CFAP100: variants seen among roughly 807,000 people sequenced by gnomAD.
CFAP100 encodes the protein cilia and flagella associated protein 100, also known as cilia- and flagella-associated protein 100.
A neutral mutation model predicts 81.5 loss-of-function variants in CFAP100; 70 were observed. That is an observed-to-expected ratio of 0.86 (90% CI 0.71 to 1.05). The LOEUF is 1.05. Ranked by LOEUF, CFAP100 falls within the 50% of genes least tolerant of loss-of-function variation. The pLI, the probability that CFAP100 is intolerant of heterozygous loss-of-function variation, is 0.00. For missense variants in CFAP100, 811 were observed against 776.5 expected (o/e 1.04, Z -0.53); for synonymous variants, 341 against 314.8 (o/e 1.08, Z -0.88).
intron 2 of CFAP100, among the ~76,000 whole-genome samples, chr3:126,400,855 C>G (rs114855772): frequency 6.6e-6 from 1 of 152,256 alleles, no homozygotes; most frequent in South Asian, 2.1e-4. Flanking sequence ...CCTAAAAGAA[C>G]GGAAAGCAGG....
At chr3:126,406,793 T>G (rs1027240454) in intron 2 of CFAP100, among the ~76,000 whole-genome samples, 3 of 152,142 alleles carry the variant, frequency 2.0e-5, no homozygotes, top group Admixed American at 2.0e-4. Flanking sequence ...AGGAAGCCCC[T>G]GGGAGGCAAG....
At chr3:126,409,176 G>A (rs1047527814) in intron 3 of CFAP100, among the ~76,000 whole-genome samples, 8 of 151,924 alleles carry the variant, frequency 5.3e-5, no homozygotes, top group African/African-American at 9.7e-5. Flanking sequence ...GAAATTATCC[G>A]TCCCCCAGAG....
At chr3:126,397,784 G>A (rs2082911506) in intron 2 of CFAP100, among the ~76,000 whole-genome samples, 1 of 152,252 alleles carries the variant, frequency 6.6e-6, no homozygotes, top group East Asian at 1.9e-4. Context: ...AGCTGCAGGA[G>A]CTGGGACAAA....
intron 13 of CFAP100, among the ~76,000 whole-genome samples, chr3:126,429,942 C>A (rs73191822): frequency 0.089 from 13,569 of 152,154 alleles, 741 homozygotes; most frequent in African/African-American, 0.13. Context: ...GTATAGTATT[C>A]TTTTTAGCCA....
intron 2 of CFAP100, among the ~76,000 whole-genome samples, chr3:126,404,451 T>C (rs1310703163): frequency 2.6e-5 from 4 of 152,200 alleles, no homozygotes; most frequent in African/African-American, 9.6e-5. Context: ...TATGGAAGGC[T>C]GCCTGCACAT....
intron 4 of CFAP100, 177 bp downstream of exon 4, chr3:126,414,356 G>T: frequency 1.4e-6 from 1 of 703,498 alleles, no homozygotes; most frequent in South Asian, 1.5e-5. Context: ...TGGCTCTCAG[G>T]ACTCACAGCA....
At chr3:126,436,201 C>G in intron 16 of CFAP100, 90 bp from the exon 17 acceptor site, 1 of 940,730 alleles carries the variant, frequency 1.1e-6, no homozygotes, top group Non-Finnish European at 1.7e-6. Context: ...GTGACTGGAG[C>G]TGCTGGGCCT....
rs770960669 is a variant in CFAP100, at chr3:126,416,388, A to T, written c.298A>T (p.Thr100Ser). 1 of 1,611,436 alleles carries T rather than the reference A, an allele frequency of 6.2e-7. No individual in the cohort carries two copies. ...CTCCTCGAAAGTGTCGGCTAAGCAC[A>T]CCAGCCTGCGGCGGCAGCTGCAGCT... ...TYSSKVSAKH[T>S]SLRRQLQLED... Residue 100 changes from threonine to serine, a missense_variant, in exon 5 of 17, where the codon ACC (threonine) becomes TCC (serine). Physicochemically the swap from Thr to Ser is moderately conservative, Grantham distance 58. Coordinates refer to ENST00000352312, the MANE Select transcript of CFAP100 (RefSeq NM_182628.3).
At position 126,406,167 on chromosome 3, in the gene CFAP100, A is replaced by G. The variant is rs548149929; in HGVS notation, c.50-1005A>G. Among the ~76,000 whole-genome samples, 7 of 152,074 alleles carry G rather than the reference A, an allele frequency of 4.6e-5. No individual in the cohort carries two copies. The East Asian group carries it at 1.4e-3, about 29-fold the overall frequency. On this transcript the variant is annotated intron_variant, in intron 2 of 16. Transcript: ENST00000352312. ...ACCGCCTCTGCCTCCCCGACTATAC[A>G]TTATGGATTCTGTGTGGCCCCGAAG...
At chr3:126,407,574 T>G (rs535286669) in intron 3 of CFAP100, among the ~76,000 whole-genome samples, 13,720 of 152,148 alleles carry the variant, frequency 0.09, 717 homozygotes, top group African/African-American at 0.15. Flanking sequence ...CAACCACAAT[T>G]AGGGCTTTCA....
At chr3:126,427,992 A>G (rs765608599) in intron 13 of CFAP100, among the ~76,000 whole-genome samples, 3 of 152,212 alleles carry the variant, frequency 2.0e-5, no homozygotes, top group Admixed American at 6.5e-5. Context: ...TCAGGAGAAC[A>G]GTACCAAAGG....
At chr3:126,426,131 CATGA>C (rs1318658531) in intron 13 of CFAP100, among the ~76,000 whole-genome samples, 1 of 152,168 alleles carries the variant, frequency 6.6e-6, no homozygotes, top group Non-Finnish European at 1.5e-5. Flanking sequence ...TCACAGATGA[CATGA>C]ATGTCTATGT....
At position 126,420,156 on chromosome 3, in the gene CFAP100, C is replaced by T. The variant is rs202168304; in HGVS notation, c.1009C>T (p.Arg337Trp). Residue 337 changes from arginine (R) to tryptophan (W), a missense_variant, in exon 11 of 17, where the codon CGG (arginine) becomes TGG (tryptophan). By Grantham distance (101) the Arg-to-Trp change is moderately radical (BLOSUM62 -3). Transcript: ENST00000352312. ...WRFLQTMRLG[R>W]SPSYLSSPQQ... ...GTTTCTGCAGACGATGCGGCTGGGG[C>T]GGAGCCCGTCTTACCTGAGCAGCCC... The T allele has an allele frequency of 2.7e-5, 43 of 1,611,910 alleles. No homozygotes were observed. The highest frequency in any genetic ancestry group is 8.9e-5 in the East Asian group (4 of 44,892).
chr3:126,423,063 C>T (rs1168956696), intron 11 of CFAP100, among the ~76,000 whole-genome samples: 2 of 152,124 alleles, frequency 1.3e-5, no homozygotes, highest in Non-Finnish European at 1.5e-5. Flanking sequence ...GGGCCTCTGG[C>T]GACAGGTCTG....
intron 2 of CFAP100, among the ~76,000 whole-genome samples, chr3:126,403,250 C>T (rs2083014386): frequency 6.6e-6 from 1 of 152,086 alleles, no homozygotes; most frequent in Non-Finnish European, 1.5e-5. Flanking sequence ...GAACTGAAGC[C>T]ATGGGCACTG....
Position 126,419,722 on chromosome 3 carries a change from GAA to G in CFAP100, c.818_819del (p.Glu273GlyfsTer25). 1 of 1,611,650 alleles carries G rather than the reference GAA, an allele frequency of 6.2e-7. No homozygotes were observed. Among genetic ancestry groups the G allele is most frequent in the Non-Finnish European group, 8.5e-7 (1 of 1,179,400 alleles). ...CAAGCTGTCGCCCAAGGAGTGGCTT[GAA>G]GAACAGGAAAAGAAACACTCGTTTC... ...LYKLSPKEWLEEQEKKHSFLK... is the reference protein window; with the variant it reads ...LYKLSPKEWLXEQEKKHSFLK... On this transcript the variant is annotated frameshift_variant, in exon 9 of 17. Coordinates refer to ENST00000352312, the MANE Select transcript of CFAP100 (RefSeq NM_182628.3). LOFTEE classifies it high-confidence loss of function.
chr3:126,423,303 C>A (rs376071147), intron 11 of CFAP100, 22 bp from the exon 12 acceptor site: 4 of 1,606,296 alleles, frequency 2.5e-6, no homozygotes, highest in Non-Finnish European at 3.4e-6. Context: ...CCCAGAGTCC[C>A]GACCCTGCCA....
At position 126,433,928 on chromosome 3, in the gene CFAP100, A is replaced by AG; in HGVS notation, c.1423-248_1423-247insG. On this transcript the variant is annotated intron_variant, in intron 14 of 16. Coordinates refer to ENST00000352312, the MANE Select transcript of CFAP100 (RefSeq NM_182628.3). ...GGAGGGGACTGGGCCCCGTTGGCTC[A>AG]CCAGAGGCAGCTGGGAGAGGGGCTG... 6 of 509,478 alleles carry AG rather than the reference A, an allele frequency of 1.2e-5. No individual in the cohort carries two copies. The South Asian group carries it at 1.4e-4, about 12-fold the overall frequency. The allele number at this position is 509,478 out of a possible 1,614,324, so 31.6% of individuals were successfully genotyped here. A position where few individuals can be genotyped will look rare whatever the true frequency, so the allele number is the denominator to read the frequency against.
At chr3:126,396,875 T>A (rs570890488) in intron 2 of CFAP100, among the ~76,000 whole-genome samples, 40 of 152,352 alleles carry the variant, frequency 2.6e-4, no homozygotes, top group African/African-American at 9.4e-4. Flanking sequence ...TATTGGAATT[T>A]AATTTGGTTT....
Sources: allele counts gnomAD v4.1 joint callset (sites outside exome capture counted in the v4.1 genomes callset), GRCh38; gene constraint gnomAD v4.1.1; transcripts MANE v1.5; gene names NCBI Gene and HGNC (gene_info 2026-07-23, HGNC 2026-07-21).